REPS2: variants seen among roughly 807,000 people sequenced by gnomAD.
REPS2 encodes ralBP1-associated Eps domain-containing protein 2.
Under a neutral mutation model 53.6 loss-of-function variants are expected in REPS2, and 23 were observed. That is an observed-to-expected ratio of 0.43 (90% CI 0.31 to 0.61). The LOEUF (loss-of-function observed/expected upper bound fraction) is 0.61, where lower values mean the gene tolerates loss of function less well. Among genes scored for constraint, REPS2 ranks in the 20% least tolerant of loss-of-function variants. The pLI is 0.11. For synonymous variants in REPS2, 238 were observed against 218.6 expected (o/e 1.09, Z -0.78); for missense variants, 446 against 534.9 (o/e 0.83, Z 1.64).
intron 9 of REPS2, among the ~76,000 whole-genome samples, chrX:17,067,696 A>C (rs1318934339): frequency 2.7e-5 from 3 of 112,301 alleles, no homozygotes; most frequent in African/African-American, 9.7e-5. Context: ...AATCAGGTTT[A>C]GACACCATCT....
intron 13 of REPS2, among the ~76,000 whole-genome samples, chrX:17,079,391 A>G (rs1434161956): frequency 8.9e-6 from 1 of 111,746 alleles, no homozygotes; most frequent in African/African-American, 3.3e-5. Context: ...AAGGCTCGCA[A>G]AAGGACTGAA....
Position 16,976,645 on chromosome X carries a change from A to AG in REPS2, c.273+29517dup, listed in dbSNP as rs774216985. Among the ~76,000 whole-genome samples the AG allele has an allele frequency of 9.9e-5, 11 of 111,611 alleles. No homozygotes were observed. The South Asian group carries it at 1.9e-3, about 19-fold the overall frequency. ...ACTATAAAACACTTTGGAGAGTAGA[A>AG]GGGGGGTCCTTATTTTTAGTAACAT... is the stretch of plus-strand genomic sequence containing the variant. On this transcript the variant is annotated intron_variant, in intron 1 of 17. Transcript: ENST00000357277.
chrX:17,190,793 G>C, the REPS2 span, among the ~76,000 whole-genome samples: 1 of 112,150 alleles, frequency 8.9e-6, no homozygotes, highest in East Asian at 2.8e-4. Flanking sequence ...AGAAAGAACA[G>C]AAAGTCCAGA....
At chrX:17,052,576 T>G in intron 7 of REPS2, 131 bp downstream of exon 7, 1 of 419,590 alleles carries the variant, frequency 2.4e-6, no homozygotes, top group African/African-American at 2.5e-5. Flanking sequence ...TGAATACAAC[T>G]CAGATTTTTG....
chrX:17,042,751 A>C (rs1388708198), intron 5 of REPS2, among the ~76,000 whole-genome samples: 1 of 111,592 alleles, frequency 9.0e-6, no homozygotes, highest in Admixed American at 9.5e-5. Context: ...GTTTAGGAAC[A>C]CTTTAAATGT....
the REPS2 span, among the ~76,000 whole-genome samples, chrX:17,187,384 C>T: frequency 8.9e-6 from 1 of 111,888 alleles, no homozygotes; most frequent in Non-Finnish European, 1.9e-5. Context: ...CGAATGGGCC[C>T]TCCTTAGAAG....
intron 5 of REPS2, among the ~76,000 whole-genome samples, chrX:17,039,239 G>C (rs747076644): frequency 8.9e-6 from 1 of 112,161 alleles, no homozygotes; most frequent in African/African-American, 3.2e-5. Context: ...CCTGATAATA[G>C]TGAAGGAAAA....
chrX:17,186,458 G>A, the REPS2 span, among the ~76,000 whole-genome samples: 4 of 112,137 alleles, frequency 3.6e-5, no homozygotes, highest in Non-Finnish European at 7.5e-5. Context: ...CACATTTTAT[G>A]AATGAAAACT....
chrX:17,045,919 C>A (rs1305272768), intron 5 of REPS2, among the ~76,000 whole-genome samples: 2 of 109,872 alleles, frequency 1.8e-5, no homozygotes, highest in Non-Finnish European at 3.8e-5. Context: ...GGGAGACAGG[C>A]GTTCCTGGGA....
chrX:17,182,190 C>CTA, the REPS2 span, among the ~76,000 whole-genome samples: 281 of 102,455 alleles, frequency 2.7e-3, no homozygotes, highest in Non-Finnish European at 4.4e-3. Context: ...ATCTATCTAT[C>CTA]ATCTATCTAT....
At chrX:17,095,391 C>T (rs181195654) in intron 13 of REPS2, among the ~76,000 whole-genome samples, 1 of 111,702 alleles carries the variant, frequency 9.0e-6, no homozygotes, top group Non-Finnish European at 1.9e-5. Context: ...TCAGCATGGC[C>T]CTCATGCCTT....
At chrX:17,165,943 TAAAG>T in the REPS2 span, among the ~76,000 whole-genome samples, 1 of 111,794 alleles carries the variant, frequency 8.9e-6, no homozygotes, top group East Asian at 2.8e-4. Context: ...TTTGCTGAAA[TAAAG>T]AAAAAAGAGA....
chrX:17,070,004 AC>A lies in REPS2; in HGVS notation c.1333+13del. ...TGTCTGAGGATCCAGGTAGGAGAAA[AC>A]CATTTTTGTATACTTTATATATAAT... On this transcript the variant is annotated intron_variant, in intron 11 of 17. Transcript: ENST00000357277. The A allele has an allele frequency of 9.8e-7, 1 of 1,023,179 alleles. No homozygotes were observed. Among genetic ancestry groups the A allele is most frequent in the Non-Finnish European group, 1.3e-6 (1 of 761,378 alleles). The allele number at this position is 1,023,179 out of a possible 1,213,427, so 84.3% of individuals were successfully genotyped here.
intron 17 of REPS2, among the ~76,000 whole-genome samples, chrX:17,143,500 A>AT (rs1411539390): frequency 9.3e-6 from 1 of 107,831 alleles, no homozygotes; most frequent in Non-Finnish European, 1.9e-5. Flanking sequence ...TTTTATTTTC[A>AT]TTTTTGTTGT....
At chrX:16,949,069 T>TTGGTGGTGG (rs3083679) in intron 1 of REPS2, among the ~76,000 whole-genome samples, 4 of 104,036 alleles carry the variant, frequency 3.8e-5, no homozygotes, top group Non-Finnish European at 5.9e-5. Context: ...ACCCATCACT[T>TTGGTGGTGG]TGGTGGTGGT....
In REPS2 at chrX:17,140,835, A is replaced by C. The variant is rs2063435075; in HGVS notation, c.1914+1874A>C. Reference sequence around the variant, plus strand: ...GCCCACGCTGGAGTGCGGTGGCGTGATCTCTGCTCACTGCAAGCTCCGCCT... The same window carrying C: ...GCCCACGCTGGAGTGCGGTGGCGTGCTCTCTGCTCACTGCAAGCTCCGCCT... On this transcript the variant is annotated intron_variant, in intron 17 of 17. Coordinates refer to ENST00000357277, the MANE Select transcript of REPS2 (RefSeq NM_004726.3). Among the ~76,000 whole-genome samples, 3 of 107,573 alleles carry C rather than the reference A, an allele frequency of 2.8e-5. No individual in the cohort carries two copies. In the Admixed American group the frequency reaches 3.0e-4, roughly 11 times the overall value. The allele number at this position is 107,573 out of a possible 115,157, so 93.4% of individuals were successfully genotyped here.
At chrX:17,109,191 A>C (rs1023191472) in intron 14 of REPS2, among the ~76,000 whole-genome samples, 9 of 110,896 alleles carry the variant, frequency 8.1e-5, no homozygotes, top group Non-Finnish European at 1.7e-4. Flanking sequence ...TCTGGGGAGC[A>C]GAAACTGACG....
intron 14 of REPS2, among the ~76,000 whole-genome samples, chrX:17,126,664 C>G (rs181381386): frequency 1.8e-5 from 2 of 111,829 alleles, no homozygotes; most frequent in South Asian, 3.7e-4. Flanking sequence ...TTCTTCTTCC[C>G]CCTAGGCCAG....
the REPS2 span, among the ~76,000 whole-genome samples, chrX:17,177,359 G>A: frequency 8.9e-6 from 1 of 111,913 alleles, no homozygotes; most frequent in Non-Finnish European, 1.9e-5. Flanking sequence ...TCAGAAACAC[G>A]AGGGCCAGCC....
Sources: gnomAD v4.1 joint callset for allele counts (sites outside exome capture counted in the v4.1 genomes callset) on GRCh38, gnomAD v4.1.1 for gene constraint, MANE v1.5 for transcripts, NCBI Gene and HGNC (gene_info 2026-07-23, HGNC 2026-07-21) for gene names.